Variants in PDS5B observed in about 807,000 individuals in gnomAD.
PDS5B encodes the protein PDS5 cohesin associated factor B, also known as sister chromatid cohesion protein PDS5 homolog B.
PDS5B carries 51 observed loss-of-function variants against 184.1 expected under a neutral mutation model. The observed-to-expected ratio is 0.28, with a 90% confidence interval of 0.22 to 0.35. The LOEUF (loss-of-function observed/expected upper bound fraction) is 0.35, where lower values mean the gene tolerates loss of function less well. Among genes scored for constraint, PDS5B ranks in the 10% least tolerant of loss-of-function variants. The probability of loss-of-function intolerance (pLI) is 1.00; values close to 1 mark genes in which losing one functional copy is unlikely to be tolerated. For missense variants in PDS5B, 1,180 were observed against 1,723.3 expected (o/e 0.68, Z 5.58); for synonymous variants, 566 against 569.2 (o/e 0.99, Z 0.08).
chr13:32,726,315 T>A (rs1952898146), intron 19 of PDS5B, among the ~76,000 whole-genome samples: 1 of 152,226 alleles, frequency 6.6e-6, no homozygotes, highest in Non-Finnish European at 1.5e-5. Flanking sequence ...TCCCCATTTA[T>A]TGTGTGGCTG....
chr13:32,696,920 C>CTG lies in PDS5B; in HGVS notation c.1600+20_1600+21dup. On this transcript the variant is annotated intron_variant, in intron 15 of 34. Coordinates refer to ENST00000315596, the MANE Select transcript of PDS5B (RefSeq NM_015032.4). ...TATTACAAGTAAGTTATTTTAAAAT[C>CTG]TGTATAAAAATGTAATTTTTATTGG... 1 of 1,423,584 alleles carries CTG rather than the reference C, an allele frequency of 7.0e-7. No individual in the cohort carries two copies. The highest frequency in any genetic ancestry group is 9.8e-7 in the Non-Finnish European group (1 of 1,022,352). The allele number at this position is 1,423,584 out of a possible 1,614,324, so 88.2% of individuals were successfully genotyped here. A position where few individuals can be genotyped will look rare whatever the true frequency, so the allele number is the denominator to read the frequency against.
At chr13:32,773,979 T>G (rs1011557356) in intron 34 of PDS5B, among the ~76,000 whole-genome samples, 3 of 152,146 alleles carry the variant, frequency 2.0e-5, no homozygotes, top group Non-Finnish European at 4.4e-5. Flanking sequence ...AGTTTTTGTA[T>G]TTTTAGTGCA....
intron 5 of PDS5B, 58 bp downstream of exon 5, chr13:32,658,589 T>C (rs1326255339): frequency 6.2e-6 from 5 of 811,410 alleles, no homozygotes; most frequent in Non-Finnish European, 1.0e-5. Context: ...TTTGAACTTG[T>C]AGGTGAATCT....
At chr13:32,731,168 A>G (rs1953108797) in intron 19 of PDS5B, among the ~76,000 whole-genome samples, 1 of 151,878 alleles carries the variant, frequency 6.6e-6, no homozygotes, top group African/African-American at 2.4e-5. Context: ...TTAGGAATAT[A>G]TTTCTTTTAA....
chr13:32,618,369 T>A (rs1317289913), intron 1 of PDS5B, among the ~76,000 whole-genome samples: 1 of 152,232 alleles, frequency 6.6e-6, no homozygotes, highest in Admixed American at 6.5e-5. Context: ...AAAATTGTTA[T>A]AATTAAACAA....
At chr13:32,717,205 T>G (rs879550356) in intron 19 of PDS5B, among the ~76,000 whole-genome samples, 1,296 of 152,186 alleles carry the variant, frequency 8.5e-3, no homozygotes, top group Admixed American at 0.013. Context: ...AACAGCTCAT[T>G]GAGAACGGGC....
intron 30 of PDS5B, among the ~76,000 whole-genome samples, chr13:32,762,764 C>G (rs183638343): frequency 6.6e-6 from 1 of 151,988 alleles, no homozygotes; most frequent in South Asian, 2.1e-4. Flanking sequence ...TCATTTAGTT[C>G]ATTTTCTTTC....
At chr13:32,699,974 T>C in intron 16 of PDS5B, 105 bp downstream of exon 16, 1 of 1,079,934 alleles carries the variant, frequency 9.3e-7, no homozygotes, top group Non-Finnish European at 1.3e-6. Context: ...ATTTGAAAAA[T>C]GTCACATAAA....
intron 9 of PDS5B, among the ~76,000 whole-genome samples, chr13:32,676,571 C>T (rs973092396): frequency 6.6e-6 from 1 of 152,022 alleles, no homozygotes; most frequent in African/African-American, 2.4e-5. Flanking sequence ...CCCGCTCTGA[C>T]TCAGAAAAAA....
In PDS5B at chr13:32,770,699, A is replaced by G. The variant is rs1312466268; in HGVS notation, c.4110A>G (p.Thr1370=). The part of the protein sequence containing the change: ...ESSAIESTQS[T]PQKGRGRPSK... ...GTGCAATTGAATCCACACAGTCCAC[A>G]CCACAGAAAGGACGAGGAAGACCAT... Residue 1370 remains threonine, a synonymous_variant, in exon 33 of 35, where the codon ACA becomes ACG. Transcript: ENST00000315596. 2.5e-6 allele frequency: 4 copies of G among 1,611,488 alleles called. No individual in the cohort carries two copies. In the African/African-American group the frequency reaches 5.4e-5, roughly 22 times the overall value.
intron 23 of PDS5B, among the ~76,000 whole-genome samples, chr13:32,745,294 A>C (rs1953702964): frequency 6.6e-6 from 1 of 152,232 alleles, no homozygotes; most frequent in Admixed American, 6.5e-5. Context: ...ACATTTCTCC[A>C]ACAAAATCCA....
chr13:32,665,710 T>A (rs979515571), intron 6 of PDS5B, among the ~76,000 whole-genome samples: 4 of 151,976 alleles, frequency 2.6e-5, no homozygotes, highest in African/African-American at 9.7e-5. Context: ...TAAATTTGAT[T>A]ACATTAAAAA....
At chr13:32,658,594 G>T (rs1950572435) in intron 5 of PDS5B, 63 bp downstream of exon 5, 29 of 769,086 alleles carry the variant, frequency 3.8e-5, no homozygotes, top group Non-Finnish European at 4.3e-6. Flanking sequence ...ACTTGTAGGT[G>T]AATCTGCATA....
intron 19 of PDS5B, among the ~76,000 whole-genome samples, chr13:32,716,600 C>A (rs1175810143): frequency 1.3e-5 from 2 of 150,648 alleles, no homozygotes. Flanking sequence ...CCAGCCGCCC[C>A]ATCCGGGAGG....
rs780080379 is a variant in PDS5B at position 32,675,848 on chromosome 13, A to G, written c.851A>G (p.Asn284Ser). Reference sequence around the variant, plus strand: ...TGTGATTGTGTTTTATTTTAGAGCAATGATAATGAGGAGCGCCTACAAGTT... The same window carrying G: ...TGTGATTGTGTTTTATTTTAGAGCAGTGATAATGAGGAGCGCCTACAAGTT... ...LPQLEFKLKS[N>S]DNEERLQVVK... The change falls in exon 9 of 35, where the codon AAT becomes AGT. Residue 284 changes from asparagine (N) to serine (S), a missense_variant. Physicochemically the swap from Asn to Ser is conservative, Grantham distance 46. Coordinates refer to ENST00000315596, the MANE Select transcript of PDS5B (RefSeq NM_015032.4). 42 of 1,590,324 alleles carry G rather than the reference A, an allele frequency of 2.6e-5. No individual in the cohort carries two copies. The highest frequency in any genetic ancestry group is 3.0e-5 in the Non-Finnish European group (35 of 1,158,734).
At chr13:32,587,487 CTTGT>C (rs1321056355) in intron 1 of PDS5B, among the ~76,000 whole-genome samples, 1 of 152,064 alleles carries the variant, frequency 6.6e-6, no homozygotes, top group Non-Finnish European at 1.5e-5. Context: ...GGAGAAAAAC[CTTGT>C]TTGTTGTTGT....
chr13:32,732,634 A>G (rs1317579026), intron 20 of PDS5B, among the ~76,000 whole-genome samples: 1 of 152,146 alleles, frequency 6.6e-6, no homozygotes, highest in Non-Finnish European at 1.5e-5. Context: ...TTGTTAATAT[A>G]AAGTAAGTTT....
At chr13:32,768,112 A>G (rs537570902) in intron 31 of PDS5B, among the ~76,000 whole-genome samples, 4 of 152,358 alleles carry the variant, frequency 2.6e-5, no homozygotes, top group South Asian at 2.1e-4. Context: ...TCAAGCTGCC[A>G]TTATAAAATA....
intron 3 of PDS5B, among the ~76,000 whole-genome samples, chr13:32,654,045 G>T (rs1950436459): frequency 6.6e-6 from 1 of 152,140 alleles, no homozygotes; most frequent in Non-Finnish European, 1.5e-5. Flanking sequence ...TGAAATTAGG[G>T]TCTTTGTGCA....
Sources: allele counts gnomAD v4.1 joint callset (sites outside exome capture counted in the v4.1 genomes callset), GRCh38; gene constraint gnomAD v4.1.1; transcripts MANE v1.5; gene names NCBI Gene and HGNC (gene_info 2026-07-23, HGNC 2026-07-21).